Variants in NEURL1B observed in about 807,000 individuals in gnomAD.
NEURL1B encodes the protein E3 ubiquitin-protein ligase NEURL1B.
In NEURL1B, 13 loss-of-function variants were observed where a neutral mutation model predicts 37.4. That is an observed-to-expected ratio of 0.35 (90% confidence interval 0.23 to 0.55). The LOEUF (loss-of-function observed/expected upper bound fraction) is 0.55. Among genes scored for constraint, NEURL1B ranks in the 20% least tolerant of loss-of-function variants. The probability of loss-of-function intolerance (pLI) is 0.89; values close to 1 mark genes in which losing one functional copy is unlikely to be tolerated. For synonymous variants in NEURL1B, 432 were observed against 426.6 expected (o/e 1.01, Z -0.16); for missense variants, 790 against 879.2 (o/e 0.90, Z 1.28).
At chr5:172,650,974 A>C (rs770763976) in intron 1 of NEURL1B, among the ~76,000 whole-genome samples, 3 of 152,166 alleles carry the variant, frequency 2.0e-5, no homozygotes, top group Non-Finnish European at 2.9e-5. Context: ...AATCTGAATG[A>C]GTTAGAGTGG....
At position 172,670,301 on chromosome 5, in the gene NEURL1B, A is replaced by G. The variant is rs1758098737; in HGVS notation, c.548A>G (p.Tyr183Cys). ...GGPLWALIDV[Y>C]GITDEVQLLE... is the part of the protein sequence containing the mutation. The stretch of plus-strand genomic sequence containing the variant: ...CCGCTCTGGGCGCTCATTGATGTCT[A>G]CGGCATCACCGACGAGGTGCAGCTT... Residue 183 changes from tyrosine (Y) to cysteine (C), a missense_variant, in exon 2 of 5, where the codon TAC (tyrosine) becomes TGC (cysteine). This residue lies in a region of NEURL1B where 215 missense variants were observed against 309.2 expected (regional missense o/e 0.70). Coordinates refer to ENST00000369800, the MANE Select transcript of NEURL1B (RefSeq NM_001142651.3). 7.3e-7 allele frequency: 1 copy of G among 1,372,350 alleles called. No homozygotes were observed. Among genetic ancestry groups the G allele is most frequent in the Non-Finnish European group, 9.4e-7 (1 of 1,066,970 alleles). The allele number at this position is 1,372,350 out of a possible 1,614,324, so 85.0% of individuals were successfully genotyped here. A position where few individuals can be genotyped will look rare whatever the true frequency, so the allele number is the denominator to read the frequency against.
At chr5:172,674,541 G>A (rs1427582167) in intron 2 of NEURL1B, among the ~76,000 whole-genome samples, 1 of 152,098 alleles carries the variant, frequency 6.6e-6, no homozygotes, top group South Asian at 2.1e-4. Context: ...CTCACCTGGG[G>A]AGCTTTGACA....
chr5:172,670,676 C>G (rs1031568561), intron 2 of NEURL1B, among the ~76,000 whole-genome samples: 36 of 152,266 alleles, frequency 2.4e-4, no homozygotes, highest in African/African-American at 8.0e-4. Context: ...CTCACTCATT[C>G]CTTCACTTCC....
chr5:172,665,636 C>A lies in NEURL1B; in HGVS notation c.32-4149C>A, dbSNP rs2113296710. 6.6e-6 allele frequency among the ~76,000 whole-genome samples: 1 copy of A among 152,320 alleles called. No homozygotes were observed. The highest frequency in any genetic ancestry group is 1.9e-4 in the East Asian group (1 of 5,178). On this transcript the variant is annotated intron_variant, in intron 1 of 4. Transcript: ENST00000369800. This position sits in a 1 kb window ranked among gnomAD's most constrained non-coding sequence, Gnocchi z 4.1. ...CACCCTCGCCCTCACCTCTACAAGGCAGTGACTGCCCAACCTGGCACACCC... is the reference window on the plus strand; with the variant it reads ...CACCCTCGCCCTCACCTCTACAAGGAAGTGACTGCCCAACCTGGCACACCC...
chr5:172,656,770 AAC>A, intron 1 of NEURL1B: 1 of 727,262 alleles, frequency 1.4e-6, no homozygotes, highest in Non-Finnish European at 2.4e-6. Flanking sequence ...CAAAGAATTG[AAC>A]ACACTGACAT....
chr5:172,682,540 C>T (rs896081955), intron 2 of NEURL1B, among the ~76,000 whole-genome samples: 3 of 152,192 alleles, frequency 2.0e-5, no homozygotes, highest in Non-Finnish European at 4.4e-5. Context: ...CGCGCCATTG[C>T]ACTCCAGCCT....
chr5:172,666,070 C>T (rs1758006601), intron 1 of NEURL1B, among the ~76,000 whole-genome samples: 1 of 152,178 alleles, frequency 6.6e-6, no homozygotes, highest in Admixed American at 6.5e-5. Context: ...AACAGGCAGC[C>T]TCTTGCCTCC....
chr5:172,684,034 TC>T lies in NEURL1B; in HGVS notation c.1194del (p.Asn399ThrfsTer61). 7.5e-7 allele frequency: 1 copy of T among 1,336,078 alleles called. No homozygotes were observed. 82.8% of individuals were successfully genotyped at this position (1,336,078 alleles called of 1,614,324 possible). On this transcript the variant is annotated frameshift_variant, in exon 3 of 5. Coordinates refer to ENST00000369800, the MANE Select transcript of NEURL1B (RefSeq NM_001142651.3). LOFTEE classifies it high-confidence loss of function. ...CCCGGCGGCGACGTGCTCCTGGGCATCAACGGGCGTCCGCGCGGCCGCCTGC... is the reference window on the plus strand; with the variant it reads ...CCCGGCGGCGACGTGCTCCTGGGCATAACGGGCGTCCGCGCGGCCGCCTGC... ...LRPGGDVLLGINGRPRGRLLC... is the reference protein window; with the variant it reads ...LRPGGDVLLGXNGRPRGRLLC...
rs1246037707 is a variant in NEURL1B at position 172,661,308 on chromosome 5, G to A, written c.32-8477G>A. Among the ~76,000 whole-genome samples, 1 of 152,158 alleles carries A rather than the reference G, an allele frequency of 6.6e-6. No homozygotes were observed. The highest frequency in any genetic ancestry group is 2.4e-5 in the African/African-American group (1 of 41,426). Reference sequence around the variant, plus strand: ...GTTTCTGGGGGGAAACCCTGAAGTTGAATATCAGATTGTGCATGGAGTCTG... The same window carrying A: ...GTTTCTGGGGGGAAACCCTGAAGTTAAATATCAGATTGTGCATGGAGTCTG... On this transcript the variant is annotated intron_variant, in intron 1 of 4. Transcript: ENST00000369800. This position sits in a 1 kb window ranked among gnomAD's most constrained non-coding sequence, Gnocchi z 4.0.
At chr5:172,644,091 T>A (rs191272863) in intron 1 of NEURL1B, among the ~76,000 whole-genome samples, 1 of 152,180 alleles carries the variant, frequency 6.6e-6, no homozygotes, top group African/African-American at 2.4e-5. Flanking sequence ...AGCAGTTTCT[T>A]GTCTGTCTCC....
intron 1 of NEURL1B, among the ~76,000 whole-genome samples, chr5:172,650,743 A>G (rs1757646799): frequency 6.6e-6 from 1 of 152,228 alleles, no homozygotes; most frequent in Non-Finnish European, 1.5e-5. Flanking sequence ...GCACACTTGG[A>G]CAAGGGAGGG....
At chr5:172,669,754 G>T in intron 1 of NEURL1B, 31 bp from the exon 2 acceptor site, 1 of 1,241,330 alleles carries the variant, frequency 8.1e-7, no homozygotes, top group Non-Finnish European at 1.0e-6. Flanking sequence ...TTCGGAGGAG[G>T]CCTAACCGTG....
At position 172,661,207 on chromosome 5, in the gene NEURL1B, AGGACG is replaced by A. The variant is rs2113286987; in HGVS notation, c.32-8577_32-8573del. ...TTTCTCACTCAAGGTCTACAGTCCA[AGGACG>A]CATGTTATAAAGGTCCAGGTCCAGG... is the stretch of plus-strand genomic sequence containing the variant. On this transcript the variant is annotated intron_variant, in intron 1 of 4. Coordinates refer to ENST00000369800, the MANE Select transcript of NEURL1B (RefSeq NM_001142651.3). This position sits in a 1 kb window ranked among gnomAD's most constrained non-coding sequence, Gnocchi z 4.0. 6.6e-6 allele frequency among the ~76,000 whole-genome samples: 1 copy of A among 152,340 alleles called. No homozygotes were observed. Among genetic ancestry groups the A allele is most frequent in the South Asian group, 2.1e-4 (1 of 4,822 alleles).
At chr5:172,642,131 T>C (rs1757474975) in intron 1 of NEURL1B, among the ~76,000 whole-genome samples, 2 of 152,202 alleles carry the variant, frequency 1.3e-5, no homozygotes, top group Middle Eastern at 3.2e-3. Flanking sequence ...TACATGGTAA[T>C]TGTGGGAACA....
chr5:172,644,581 G>A (rs1315225951), intron 1 of NEURL1B, among the ~76,000 whole-genome samples: 2 of 152,158 alleles, frequency 1.3e-5, no homozygotes, highest in African/African-American at 2.4e-5. Flanking sequence ...TAAACAGAAC[G>A]TGCAGCACAG....
Position 172,686,611 on chromosome 5 carries a change from CG to C in NEURL1B, c.1424-66del, listed in dbSNP as rs1758502157. The C allele has an allele frequency of 4.7e-6, 7 of 1,482,130 alleles. No individual in the cohort carries two copies. The highest frequency in any genetic ancestry group is 2.8e-5 in the African/African-American group (2 of 71,484). The allele number at this position is 1,482,130 out of a possible 1,614,324, so 91.8% of individuals were successfully genotyped here. On this transcript the variant is annotated intron_variant, in intron 4 of 4. Transcript: ENST00000369800. The surrounding 1 kb of genome is among the most constrained non-coding windows in gnomAD (Gnocchi z 7.9). ...GTCCCAGCAAGAAGCCCTGCATTCT[CG>C]GGGTTGCCCCAACAGAGCCCACCTG...
At chr5:172,653,846 T>A (rs552310705) in intron 1 of NEURL1B, among the ~76,000 whole-genome samples, 2 of 151,600 alleles carry the variant, frequency 1.3e-5, no homozygotes, top group South Asian at 4.2e-4. Flanking sequence ...TTATAACACA[T>A]TTTTTTTTCT....
At chr5:172,674,364 G>C (rs1019633964) in intron 2 of NEURL1B, among the ~76,000 whole-genome samples, 1 of 152,114 alleles carries the variant, frequency 6.6e-6, no homozygotes, top group Non-Finnish European at 1.5e-5. Flanking sequence ...ACAGAGTCCA[G>C]CTGCAGCAGT....
At position 172,662,005 on chromosome 5, in the gene NEURL1B, G is replaced by A. The variant is rs575938114; in HGVS notation, c.32-7780G>A. Reference sequence around the variant, plus strand: ...CTGGCCAAGGTTATGAGCCCTACACGGGAGAAAAATGTTTCAGAACGTATT... The same window carrying A: ...CTGGCCAAGGTTATGAGCCCTACACAGGAGAAAAATGTTTCAGAACGTATT... On this transcript the variant is annotated intron_variant, in intron 1 of 4. Coordinates refer to ENST00000369800, the MANE Select transcript of NEURL1B (RefSeq NM_001142651.3). 6.6e-5 allele frequency among the ~76,000 whole-genome samples: 10 copies of A among 152,324 alleles called. No homozygotes were observed. In the East Asian group the frequency reaches 7.7e-4, roughly 12 times the overall value.
Sources: gnomAD v4.1 joint callset for allele counts (sites outside exome capture counted in the v4.1 genomes callset) on GRCh38, gnomAD v4.1.1 for gene constraint, gnomAD v4.1.1 regional missense constraint, Gnocchi (gnomAD v3.1) non-coding constraint, MANE v1.5 for transcripts, NCBI Gene and HGNC (gene_info 2026-07-23, HGNC 2026-07-21) for gene names.